The following NETO1 variants were observed in gnomAD, a reference collection of about 807,000 sequenced individuals.
The protein encoded by NETO1 is neuropilin and tolloid-like protein 1.
A neutral mutation model predicts 61.3 loss-of-function variants in NETO1; 26 were observed. The observed-to-expected ratio is 0.42, with a 90% CI of 0.31 to 0.59. The LOEUF (loss-of-function observed/expected upper bound fraction) is 0.59, where lower values mean the gene tolerates loss of function less well. Ranked by LOEUF, NETO1 falls within the 20% of genes least tolerant of loss-of-function variation. The pLI, the probability that NETO1 is intolerant of heterozygous loss-of-function variation, is 0.12. For synonymous variants in NETO1, 225 were observed against 225.8 expected (o/e 1.00, Z 0.03); for missense variants, 531 against 662.8 (o/e 0.80, Z 2.18).
chr18:72,839,056 T>C (rs1166639318), intron 4 of NETO1, among the ~76,000 whole-genome samples: 1 of 152,210 alleles, frequency 6.6e-6, no homozygotes, highest in South Asian at 2.1e-4. Context: ...CCACTAAGCA[T>C]TCACAACCGC....
intron 3 of NETO1, among the ~76,000 whole-genome samples, chr18:72,863,811 T>G (rs994775586): frequency 3.3e-5 from 5 of 152,080 alleles, no homozygotes; most frequent in Non-Finnish European, 4.4e-5. Context: ...TGTGTGTGTG[T>G]GTGGGGGGAA....
chr18:72,820,336 A>C lies in NETO1; in HGVS notation c.470-25932T>G, dbSNP rs1599071375. 2.6e-5 allele frequency among the ~76,000 whole-genome samples: 4 copies of C among 152,360 alleles called. No homozygotes were observed. The Middle Eastern group carries it at 0.014, about 518-fold the overall frequency. On this transcript the variant is annotated intron_variant, in intron 4 of 10. Coordinates refer to ENST00000327305, the MANE Select transcript of NETO1 (RefSeq NM_138966.5). ...TACACAGATGTAGAGCAATTAAACG[A>C]AGAGATTCACATGTTGGAAACCATT...
chr18:72,764,241 T>C (rs112923043), intron 7 of NETO1, among the ~76,000 whole-genome samples: 1 of 152,186 alleles, frequency 6.6e-6, no homozygotes, highest in African/African-American at 2.4e-5. Flanking sequence ...CTTACTTTTT[T>C]AAATTAAAAC....
intron 4 of NETO1, among the ~76,000 whole-genome samples, chr18:72,858,413 T>G (rs1392230051): frequency 2.6e-5 from 4 of 152,210 alleles, no homozygotes; most frequent in Non-Finnish European, 4.4e-5. Flanking sequence ...ACGGTAATTT[T>G]CAGAACAAAT....
chr18:72,812,882 T>C (rs1012654397), intron 4 of NETO1, among the ~76,000 whole-genome samples: 3 of 152,194 alleles, frequency 2.0e-5, no homozygotes, highest in African/African-American at 7.2e-5. Context: ...CCATAACATA[T>C]TCCCTATGAC....
At chr18:72,749,435 A>T (rs919094568) in intron 9 of NETO1, among the ~76,000 whole-genome samples, 2 of 152,144 alleles carry the variant, frequency 1.3e-5, no homozygotes, top group Non-Finnish European at 2.9e-5. Flanking sequence ...ATAATATTGC[A>T]TTTATAGTTG....
chr18:72,829,896 A>G (rs1335416927), intron 4 of NETO1, among the ~76,000 whole-genome samples: 3 of 152,152 alleles, frequency 2.0e-5, no homozygotes, highest in African/African-American at 7.2e-5. Context: ...TTCAGACAAA[A>G]CTGCATTACC....
chr18:72,785,188 A>T (rs1404484694), intron 6 of NETO1, among the ~76,000 whole-genome samples: 1 of 151,990 alleles, frequency 6.6e-6, no homozygotes, highest in Non-Finnish European at 1.5e-5. Context: ...CATCTCTTTC[A>T]TCATTCTGTA....
intron 4 of NETO1, among the ~76,000 whole-genome samples, chr18:72,805,706 A>G (rs1462312742): frequency 3.9e-5 from 6 of 152,176 alleles, no homozygotes; most frequent in Admixed American, 3.9e-4. Flanking sequence ...AATTCATTAC[A>G]GACTTGTAAA....
intron 7 of NETO1, among the ~76,000 whole-genome samples, chr18:72,756,569 G>A (rs983133362): frequency 1.3e-5 from 2 of 151,892 alleles, no homozygotes; most frequent in African/African-American, 2.4e-5. Context: ...TACTTACCAA[G>A]TACTAATGAA....
intron 3 of NETO1, among the ~76,000 whole-genome samples, chr18:72,862,638 T>TTTTTTTTTTTA (rs2074611535): frequency 2.0e-5 from 3 of 148,186 alleles, no homozygotes; most frequent in African/African-American, 7.6e-5. Context: ...TTTTTTTTTT[T>TTTTTTTTTTTA]GAGACAGAGT....
chr18:72,837,551 A>C (rs1171837858), intron 4 of NETO1, among the ~76,000 whole-genome samples: 1 of 152,188 alleles, frequency 6.6e-6, no homozygotes, highest in African/African-American at 2.4e-5. Context: ...TTTAGGCTGC[A>C]ATTTTTAAAG....
chr18:72,759,841 T>A (rs1023455364), intron 7 of NETO1, among the ~76,000 whole-genome samples: 4 of 152,204 alleles, frequency 2.6e-5, no homozygotes, highest in Non-Finnish European at 5.9e-5. Flanking sequence ...TTCCTAGTGA[T>A]TTCAAGGAAA....
chr18:72,774,101 T>C (rs2071466770), intron 7 of NETO1, among the ~76,000 whole-genome samples: 2 of 152,184 alleles, frequency 1.3e-5, no homozygotes, highest in Non-Finnish European at 1.5e-5. Flanking sequence ...TCTTCTATTT[T>C]ATATGTCTGT....
At chr18:72,749,835 T>C (rs558954248) in intron 9 of NETO1, among the ~76,000 whole-genome samples, 1 of 152,320 alleles carries the variant, frequency 6.6e-6, no homozygotes, top group African/African-American at 2.4e-5. Flanking sequence ...CTTTGGTCTC[T>C]GTGTGCATGT....
chr18:72,852,833 CTTTTTT>C (rs71166431), intron 4 of NETO1, among the ~76,000 whole-genome samples: 2 of 132,286 alleles, frequency 1.5e-5, no homozygotes, highest in Non-Finnish European at 3.2e-5. Context: ...TTTTCTTTTT[CTTTTTT>C]TTTTTTTTTT....
At chr18:72,774,654 T>C (rs188372648) in intron 7 of NETO1, among the ~76,000 whole-genome samples, 1 of 152,338 alleles carries the variant, frequency 6.6e-6, no homozygotes, top group East Asian at 1.9e-4. Context: ...TCTTGGTATT[T>C]GTGGCTTCTT....
chr18:72,840,987 C>T (rs2073912167), intron 4 of NETO1, among the ~76,000 whole-genome samples: 1 of 152,128 alleles, frequency 6.6e-6, no homozygotes, highest in African/African-American at 2.4e-5. Flanking sequence ...GGAGTTCTTT[C>T]CTTGCCCCTA....
At chr18:72,809,591 C>A (rs976430940) in intron 4 of NETO1, among the ~76,000 whole-genome samples, 1 of 152,178 alleles carries the variant, frequency 6.6e-6, no homozygotes, top group South Asian at 2.1e-4. Flanking sequence ...AGATTTCGAA[C>A]CTCTTCGATA....
Sources: allele counts gnomAD v4.1 joint callset (sites outside exome capture counted in the v4.1 genomes callset), GRCh38; gene constraint gnomAD v4.1.1; transcripts MANE v1.5; gene names NCBI Gene and HGNC (gene_info 2026-07-23, HGNC 2026-07-21).